Variants in DYRK1A observed in about 807,000 individuals in gnomAD.
DYRK1A encodes dual specificity tyrosine phosphorylation regulated kinase 1A.
A neutral mutation model predicts 79.7 loss-of-function variants in DYRK1A; 9 were observed. The ratio of observed to expected loss-of-function variants is 0.11; its 90% confidence interval spans 0.07 to 0.20. DYRK1A has a LOEUF of 0.20. Ranked by LOEUF, DYRK1A falls within the 10% of genes least tolerant of loss-of-function variation. The pLI is 1.00. For synonymous variants in DYRK1A, 349 were observed against 329.7 expected, an observed-to-expected ratio of 1.06 and a Z score of -0.63; for missense variants, 622 against 956.0, an observed-to-expected ratio of 0.65 and a Z score of 4.61.
chr21:37,403,230 T>G (rs991065722), intron 1 of DYRK1A, among the ~76,000 whole-genome samples: 1 of 152,148 alleles, frequency 6.6e-6, no homozygotes, highest in Non-Finnish European at 1.5e-5. Flanking sequence ...TTTTTATTTT[T>G]CTGCTGAGAT....
intron 1 of DYRK1A, chr21:37,368,258 G>A (rs1334943432): frequency 2.0e-5 from 3 of 152,248 alleles, no homozygotes; most frequent in Non-Finnish European, 4.4e-5. Context: ...TGACCTGCCC[G>A]GCAGCCGGGG....
At chr21:37,424,569 A>G (rs539939017) in intron 2 of DYRK1A, among the ~76,000 whole-genome samples, 3 of 152,294 alleles carry the variant, frequency 2.0e-5, no homozygotes, top group African/African-American at 7.2e-5. Flanking sequence ...ATGTTGCCCT[A>G]CATCATCAAA....
chr21:37,458,495 A>G (rs933377808), intron 2 of DYRK1A, among the ~76,000 whole-genome samples: 4 of 152,036 alleles, frequency 2.6e-5, no homozygotes, highest in South Asian at 2.1e-4. Context: ...CTCTGTGTGT[A>G]ACGTTTCAAA....
intron 2 of DYRK1A, among the ~76,000 whole-genome samples, chr21:37,444,774 G>A (rs1305615429): frequency 1.3e-5 from 2 of 152,184 alleles, no homozygotes; most frequent in Non-Finnish European, 2.9e-5. Context: ...CATCTAAGTA[G>A]AAAATCCAGA....
chr21:37,414,749 C>T (rs574336339), intron 1 of DYRK1A, among the ~76,000 whole-genome samples: 65 of 152,188 alleles, frequency 4.3e-4, no homozygotes, highest in African/African-American at 1.6e-3. Context: ...GAGTTAGGTT[C>T]CCGAAAAGCT....
At chr21:37,428,460 G>A (rs1014998033) in intron 2 of DYRK1A, among the ~76,000 whole-genome samples, 8 of 152,078 alleles carry the variant, frequency 5.3e-5, no homozygotes, top group Admixed American at 5.2e-4. Flanking sequence ...TTACTCTTTG[G>A]TTTTTATCAG....
intron 1 of DYRK1A, among the ~76,000 whole-genome samples, chr21:37,409,561 C>A (rs1018805888): frequency 2.6e-5 from 4 of 151,798 alleles, no homozygotes; most frequent in African/African-American, 9.7e-5. Context: ...CATTGTGGCC[C>A]CTAGTTACAG....
chr21:37,414,041 C>T (rs1011858581), intron 1 of DYRK1A, among the ~76,000 whole-genome samples: 2 of 151,836 alleles, frequency 1.3e-5, no homozygotes, highest in Non-Finnish European at 2.9e-5. Flanking sequence ...AATGATGATG[C>T]AAATATAAAT....
At chr21:37,462,250 G>A (rs1311662995) in intron 2 of DYRK1A, among the ~76,000 whole-genome samples, 2 of 152,138 alleles carry the variant, frequency 1.3e-5, no homozygotes, top group Non-Finnish European at 2.9e-5. Context: ...GATGAGGAAT[G>A]CTGGCCCGTG....
chr21:37,505,703 T>C (rs1245153611), intron 10 of DYRK1A, 114 bp downstream of exon 10: 1 of 1,150,412 alleles, frequency 8.7e-7, no homozygotes, highest in East Asian at 2.5e-5. Flanking sequence ...GCAGTTACTT[T>C]ACTTAAATCT....
upstream of DYRK1A, chr21:37,366,227 G>C (rs1201503130): frequency 5.3e-5 from 8 of 150,364 alleles, no homozygotes; most frequent in East Asian, 9.9e-4. Context: ...TGGGCTTCCC[G>C]GGTCCCCGCC....
chr21:37,390,807 C>T (rs2049856134), intron 1 of DYRK1A, among the ~76,000 whole-genome samples: 1 of 152,014 alleles, frequency 6.6e-6, no homozygotes, highest in Non-Finnish European at 1.5e-5. Context: ...TGAGCTCAGG[C>T]AGTCCGCCTG....
chr21:37,465,729 T>G (rs1264110936), intron 2 of DYRK1A, among the ~76,000 whole-genome samples: 1 of 151,762 alleles, frequency 6.6e-6, no homozygotes, highest in Non-Finnish European at 1.5e-5. Flanking sequence ...CCCAGCTAGT[T>G]GGGAGGCTGA....
At chr21:37,456,355 AT>A in intron 2 of DYRK1A, 1 of 152,290 alleles carries the variant, frequency 6.6e-6, no homozygotes, top group Non-Finnish European at 1.5e-5. Context: ...TCCACAGGAC[AT>A]TTTTGGGAGC....
chr21:37,438,628 T>C (rs1181059143), intron 2 of DYRK1A, among the ~76,000 whole-genome samples: 1 of 152,182 alleles, frequency 6.6e-6, no homozygotes, highest in East Asian at 1.9e-4. Flanking sequence ...CAAAAATCAG[T>C]CTTCCATATA....
At chr21:37,495,149 A>ATTTT (rs1260921990) in intron 8 of DYRK1A, among the ~76,000 whole-genome samples, 53 of 122,108 alleles carry the variant, frequency 4.3e-4, no homozygotes, top group African/African-American at 1.6e-3. Context: ...AGCCTCTGGG[A>ATTTT]TTTTGTGTGT....
intron 11 of DYRK1A, among the ~76,000 whole-genome samples, chr21:37,506,936 A>G (rs931537205): frequency 6.6e-6 from 1 of 152,096 alleles, no homozygotes; most frequent in Admixed American, 6.5e-5. Context: ...AGAAAATCCC[A>G]CATGCAGCTG....
At chr21:37,443,013 T>C (rs963036432) in intron 2 of DYRK1A, among the ~76,000 whole-genome samples, 79 of 151,988 alleles carry the variant, frequency 5.2e-4, no homozygotes, top group African/African-American at 1.9e-3. Context: ...AATTTTTAAA[T>C]TTGTAGTAGA....
At chr21:37,457,701 G>A (rs768821245) in intron 2 of DYRK1A, among the ~76,000 whole-genome samples, 69 of 152,094 alleles carry the variant, frequency 4.5e-4, no homozygotes, top group Non-Finnish European at 8.4e-4. Context: ...ATTCAATATA[G>A]GTACCAAGTA....
Sources: allele counts gnomAD v4.1 joint callset (sites outside exome capture counted in the v4.1 genomes callset), GRCh38; gene constraint gnomAD v4.1.1; transcripts MANE v1.5; gene names NCBI Gene and HGNC (gene_info 2026-07-23, HGNC 2026-07-21).